AGPS: variants seen among roughly 807,000 people sequenced by gnomAD.
AGPS encodes alkylglycerone phosphate synthase, also known as alkyldihydroxyacetonephosphate synthase, peroxisomal.
A neutral mutation model predicts 90.7 loss-of-function variants in AGPS; 26 were observed. The observed-to-expected ratio is 0.29, with a 90% CI of 0.21 to 0.40. The LOEUF is 0.40. Among genes scored for constraint, AGPS ranks in the 10% least tolerant of loss-of-function variants. AGPS has a pLI of 1.00. For missense variants in AGPS, 540 were observed against 816.1 expected (o/e 0.66, Z 4.12); for synonymous variants, 294 against 285.3 (o/e 1.03, Z -0.31).
intron 19 of AGPS, 123 bp downstream of exon 19, chr2:177,523,928 C>G (rs1194874280): frequency 1.5e-5 from 13 of 867,660 alleles, no homozygotes; most frequent in Non-Finnish European, 2.2e-5. Context: ...TTTAAAGTTT[C>G]TATGTCTTTG....
intron 19 of AGPS, among the ~76,000 whole-genome samples, chr2:177,526,842 G>A (rs1049051158): frequency 6.6e-6 from 1 of 152,172 alleles, no homozygotes; most frequent in African/African-American, 2.4e-5. Flanking sequence ...TTATAAAGCT[G>A]TGAATATTTG....
intron 10 of AGPS, among the ~76,000 whole-genome samples, chr2:177,472,617 A>C (rs1322486852): frequency 6.6e-6 from 1 of 152,004 alleles, no homozygotes; most frequent in Non-Finnish European, 1.5e-5. Flanking sequence ...CAGATCTGAT[A>C]TGCCTTTTTC....
rs528966676 is a variant in AGPS, at chr2:177,458,208, T to C, written c.871-3685T>C. On this transcript the variant is annotated intron_variant, in intron 8 of 19. Coordinates refer to ENST00000264167, the MANE Select transcript of AGPS (RefSeq NM_003659.4). ...CGTATCTCAAAATATTAAGAGCTAT[T>C]TATGACAAACCCACAGCCAATATCA... is the stretch of plus-strand genomic sequence containing the variant. 6.9e-3 allele frequency among the ~76,000 whole-genome samples: 1,055 copies of C among 152,232 alleles called. 13 individuals are homozygous for C. Among genetic ancestry groups the C allele is most frequent in the Non-Finnish European group, 8.9e-3 (606 of 68,010 alleles).
chr2:177,427,123 C>G (rs982410558), intron 2 of AGPS, among the ~76,000 whole-genome samples: 1 of 152,098 alleles, frequency 6.6e-6, no homozygotes, highest in Non-Finnish European at 1.5e-5. Context: ...CCACTTTTTT[C>G]TAGATTTTCT....
intron 10 of AGPS, among the ~76,000 whole-genome samples, chr2:177,481,091 A>G (rs1220738545): frequency 6.6e-6 from 1 of 152,084 alleles, no homozygotes; most frequent in Non-Finnish European, 1.5e-5. Flanking sequence ...TGTTTTAATT[A>G]TATTGTAAAC....
intron 2 of AGPS, among the ~76,000 whole-genome samples, chr2:177,431,093 C>G (rs759360629): frequency 2.6e-5 from 4 of 152,100 alleles, no homozygotes; most frequent in African/African-American, 9.7e-5. Context: ...TTCTATTTTC[C>G]CTAAGTGTCG....
rs1553509324 is a variant in AGPS, at chr2:177,434,997, GTATA to G, written c.441+604_441+607del. On this transcript the variant is annotated intron_variant, in intron 3 of 19. Transcript: ENST00000264167. ...GGGATTAGGAAACTTTAAACTGTAG[GTATA>G]TATATATATATATATATATATATGT... Among the ~76,000 whole-genome samples, 707 of 128,126 alleles carry G rather than the reference GTATA, an allele frequency of 5.5e-3. 14 individuals carry two copies. Among genetic ancestry groups the G allele is most frequent in the African/African-American group, 0.02 (665 of 32,638 alleles). The allele number at this position is 128,126 out of a possible 152,430, so 84.1% of individuals were successfully genotyped here.
At chr2:177,427,505 T>G (rs1472183697) in intron 2 of AGPS, among the ~76,000 whole-genome samples, 7 of 152,190 alleles carry the variant, frequency 4.6e-5, no homozygotes, top group Non-Finnish European at 7.4e-5. Context: ...ATTTTCCTCT[T>G]AACACTGCTT....
At chr2:177,495,765 A>G (rs1688394116) in intron 12 of AGPS, among the ~76,000 whole-genome samples, 1 of 145,326 alleles carries the variant, frequency 6.9e-6, no homozygotes, top group African/African-American at 2.5e-5. Context: ...AAAAAATACA[A>G]AAATTAGCTG....
intron 1 of AGPS, among the ~76,000 whole-genome samples, chr2:177,408,074 G>A (rs1478017581): frequency 6.6e-6 from 1 of 152,122 alleles, no homozygotes; most frequent in Admixed American, 6.5e-5. Flanking sequence ...AAGCCACTGT[G>A]CCTGGCGAGA....
At chr2:177,505,189 G>C (rs761019203) in intron 14 of AGPS, among the ~76,000 whole-genome samples, 22 of 151,972 alleles carry the variant, frequency 1.4e-4, no homozygotes, top group Non-Finnish European at 2.9e-4. Flanking sequence ...ATATGAGTGA[G>C]ACAGTAATAA....
intron 10 of AGPS, among the ~76,000 whole-genome samples, chr2:177,481,263 T>C (rs1010202656): frequency 6.6e-6 from 1 of 152,088 alleles, no homozygotes. Context: ...CAGAAACCAT[T>C]CATTTGAAAA....
At chr2:177,429,025 T>C (rs1254384631) in intron 2 of AGPS, among the ~76,000 whole-genome samples, 2 of 152,170 alleles carry the variant, frequency 1.3e-5, no homozygotes, top group African/African-American at 2.4e-5. Context: ...TTTTCATTCT[T>C]TTTTCTCTAT....
chr2:177,420,787 A>G (rs1475018380), intron 2 of AGPS, among the ~76,000 whole-genome samples: 2 of 151,880 alleles, frequency 1.3e-5, no homozygotes, highest in Non-Finnish European at 3.0e-5. Context: ...TTTTGAAAGT[A>G]GCTTCATATT....
At chr2:177,505,596 C>T in intron 15 of AGPS, 21 bp downstream of exon 15, 1 of 1,588,330 alleles carries the variant, frequency 6.3e-7, no homozygotes, top group Non-Finnish European at 8.6e-7. Context: ...TCATATTTCC[C>T]TTGCCACTTA....
At chr2:177,511,664 T>C (rs1268659366) in intron 16 of AGPS, among the ~76,000 whole-genome samples, 2 of 152,136 alleles carry the variant, frequency 1.3e-5, no homozygotes, top group African/African-American at 4.8e-5. Context: ...AGTGTTAAAT[T>C]TGCTAATAAG....
intron 5 of AGPS, among the ~76,000 whole-genome samples, chr2:177,439,061 A>G (rs566063234): frequency 1.4e-4 from 21 of 152,262 alleles, no homozygotes; most frequent in African/African-American, 3.4e-4. Context: ...TCGGAATTCT[A>G]TGTGTTGCTT....
intron 2 of AGPS, among the ~76,000 whole-genome samples, chr2:177,424,901 T>G (rs1426320940): frequency 6.6e-6 from 1 of 152,240 alleles, no homozygotes; most frequent in Non-Finnish European, 1.5e-5. Flanking sequence ...TCTGTTCATG[T>G]CCTTTGCCCA....
intron 8 of AGPS, among the ~76,000 whole-genome samples, 189 bp from the exon 9 acceptor site, chr2:177,461,704 G>T (rs1425453898): frequency 1.3e-5 from 2 of 150,702 alleles, no homozygotes; most frequent in Non-Finnish European, 2.9e-5. Context: ...TTTCCACTAG[G>T]CAAAAGCTTA....
Sources: gnomAD v4.1 joint callset for allele counts (sites outside exome capture counted in the v4.1 genomes callset) on GRCh38, gnomAD v4.1.1 for gene constraint, MANE v1.5 for transcripts, NCBI Gene and HGNC (gene_info 2026-07-23, HGNC 2026-07-21) for gene names.